Variants in TMEM50B observed in about 807,000 individuals in gnomAD.
TMEM50B encodes the protein transmembrane protein 50B.
In TMEM50B, 14 loss-of-function variants were observed where a neutral mutation model predicts 23.4. The ratio of observed to expected loss-of-function variants is 0.60; its 90% confidence interval spans 0.39 to 0.93. The LOEUF is 0.93. Ranked by LOEUF, TMEM50B falls within the 40% of genes least tolerant of loss-of-function variation. TMEM50B has a pLI of 0.00. For missense variants in TMEM50B, 159 were observed against 193.0 expected (o/e 0.82, Z 1.04); for synonymous variants, 64 against 62.3 (o/e 1.03, Z -0.13).
chr21:33,479,507 G>A (rs1161700986), intron 1 of TMEM50B, among the ~76,000 whole-genome samples: 1 of 152,220 alleles, frequency 6.6e-6, no homozygotes, highest in East Asian at 1.9e-4. Context: ...AAAGGCACGA[G>A]ATGGAGCCTC....
At chr21:33,444,556 A>G (rs1417910076), downstream of TMEM50B, among the ~76,000 whole-genome samples, 1 of 151,672 alleles carries the variant, frequency 6.6e-6, no homozygotes, top group Admixed American at 6.6e-5. Flanking sequence ...AAAAAAAAAA[A>G]GGTTAATTTC....
intron 8 of TMEM50B, chr21:33,436,736 T>A (rs1250514923): frequency 2.2e-5 from 23 of 1,022,550 alleles, no homozygotes; most frequent in East Asian, 2.0e-4. Flanking sequence ...AAAATAAAAA[T>A]AAAAATAAAA....
intron 8 of TMEM50B, among the ~76,000 whole-genome samples, chr21:33,436,266 T>A (rs1386677765): frequency 6.6e-6 from 1 of 151,488 alleles, no homozygotes; most frequent in South Asian, 2.1e-4. Context: ...GAGGCAGAGG[T>A]TGCAGTGAGA....
At chr21:33,448,927 C>A (rs1040186543), downstream of TMEM50B, 1 of 150,910 alleles carries the variant, frequency 6.6e-6, no homozygotes, top group Non-Finnish European at 1.5e-5. Context: ...AAAAAAAATT[C>A]ATGGCAGAGT....
downstream of TMEM50B, among the ~76,000 whole-genome samples, chr21:33,445,826 C>G (rs1029073060): frequency 6.6e-6 from 1 of 152,052 alleles, no homozygotes; most frequent in Non-Finnish European, 1.5e-5. Flanking sequence ...GTGTGAATCA[C>G]TTATTATTTC....
At position 33,449,896 on chromosome 21, in the gene TMEM50B, T is replaced by C. The variant is rs377343378; in HGVS notation, c.*922A>G. 12 of 152,758 alleles carry C rather than the reference T, an allele frequency of 7.9e-5. No individual in the cohort carries two copies. In the South Asian group the frequency reaches 1.2e-3, roughly 16 times the overall value. 9.5% of individuals were successfully genotyped at this position (152,758 alleles called of 1,614,324 possible). On this transcript the variant is annotated 3_prime_UTR_variant, in exon 7 of 7. Coordinates refer to ENST00000542230, the MANE Select transcript of TMEM50B (RefSeq NM_006134.7). Reference sequence around the variant, plus strand: ...TGCTGAGCTGCCTTACACAGTCTTTTTACAGTAACCATAAAAAACTGAGTT... The same window carrying C: ...TGCTGAGCTGCCTTACACAGTCTTTCTACAGTAACCATAAAAAACTGAGTT...
intron 1 of TMEM50B, among the ~76,000 whole-genome samples, chr21:33,476,315 G>A (rs1283169037): frequency 6.6e-6 from 1 of 152,082 alleles, no homozygotes; most frequent in African/African-American, 2.4e-5. Flanking sequence ...CCTGGGAGAT[G>A]GAGGTTGCAG....
At chr21:33,468,653 T>G in intron 2 of TMEM50B, 134 bp downstream of exon 2, 3 of 663,092 alleles carry the variant, frequency 4.5e-6, no homozygotes, top group South Asian at 4.1e-5. Flanking sequence ...TATCTAGAAC[T>G]CTGATAATCA....
chr21:33,472,173 A>G (rs1348236523), intron 1 of TMEM50B, among the ~76,000 whole-genome samples: 1 of 148,120 alleles, frequency 6.8e-6, no homozygotes. Context: ...CACGAGGTCA[A>G]GAGATCGAGA....
chr21:33,473,535 GC>G (rs1365557999), intron 1 of TMEM50B, among the ~76,000 whole-genome samples: 1 of 149,952 alleles, frequency 6.7e-6, no homozygotes, highest in Non-Finnish European at 1.5e-5. Context: ...GGATAGCCAA[GC>G]ATGGTGGTGT....
intron 5 of TMEM50B, 105 bp downstream of exon 5, chr21:33,460,308 A>G (rs1190568533): frequency 4.0e-6 from 3 of 754,100 alleles, no homozygotes; most frequent in Admixed American, 2.1e-5. Context: ...AGTATCTTCA[A>G]TCTAAGTGAA....
intron 6 of TMEM50B, among the ~76,000 whole-genome samples, chr21:33,451,832 T>C (rs1198446113): frequency 9.4e-6 from 1 of 106,566 alleles, no homozygotes; most frequent in Non-Finnish European, 1.7e-5. Context: ...AGGAGTTTCT[T>C]AAGGCCAAGA....
intron 6 of TMEM50B, among the ~76,000 whole-genome samples, chr21:33,453,670 T>C (rs2084142981): frequency 6.6e-6 from 1 of 152,130 alleles, no homozygotes; most frequent in African/African-American, 2.4e-5. Context: ...CAGTACATCG[T>C]AATCAAATTA....
At chr21:33,437,902 T>G (rs1189590984) in intron 8 of TMEM50B, among the ~76,000 whole-genome samples, 1 of 151,430 alleles carries the variant, frequency 6.6e-6, no homozygotes, top group Non-Finnish European at 1.5e-5. Flanking sequence ...GAGGATGCTT[T>G]AGCCTGGGAG....
At chr21:33,467,155 A>G (rs1466592699) in intron 2 of TMEM50B, 33 bp from the exon 3 acceptor site, 23 of 1,552,150 alleles carry the variant, frequency 1.5e-5, no homozygotes, top group Non-Finnish European at 2.0e-5. Flanking sequence ...TGAAACATTA[A>G]AACTCTTGCT....
downstream of TMEM50B, chr21:33,449,022 A>T (rs1017225787): frequency 2.0e-5 from 3 of 152,092 alleles, no homozygotes; most frequent in Admixed American, 1.3e-4. Context: ...TTACAAGTCT[A>T]TTTCTTCTTA....
At chr21:33,477,861 C>A (rs887657589) in intron 1 of TMEM50B, among the ~76,000 whole-genome samples, 5 of 148,460 alleles carry the variant, frequency 3.4e-5, no homozygotes, top group African/African-American at 1.2e-4. Flanking sequence ...TTAGGCCGGG[C>A]ACAGTGGCTC....
chr21:33,444,132 CT>C (rs774498339), intron 7 of TMEM50B, among the ~76,000 whole-genome samples: 88 of 152,160 alleles, frequency 5.8e-4, no homozygotes, highest in Non-Finnish European at 9.6e-4. Flanking sequence ...AACTCCTGAC[CT>C]CCGGTGATCC....
chr21:33,468,907 T>G lies in TMEM50B; in HGVS notation c.-22A>C. The stretch of plus-strand genomic sequence containing the variant: ...CCATTTTTACTTCTTAAGCATAAAT[T>G]TTTCATTAAATGCTGTATCCTACAA... On this transcript the variant is annotated 5_prime_UTR_variant, in exon 2 of 7. Coordinates refer to ENST00000542230, the MANE Select transcript of TMEM50B (RefSeq NM_006134.7). The G allele has an allele frequency of 6.3e-7, 1 of 1,586,512 alleles. No homozygotes were observed. The highest frequency in any genetic ancestry group is 8.6e-7 in the Non-Finnish European group (1 of 1,156,830).
Sources: allele counts gnomAD v4.1 joint callset (sites outside exome capture counted in the v4.1 genomes callset), GRCh38; gene constraint gnomAD v4.1.1; transcripts MANE v1.5; gene names NCBI Gene and HGNC (gene_info 2026-07-23, HGNC 2026-07-21).